The following CRMP1 variants were observed in gnomAD, a reference collection of about 807,000 sequenced individuals.
CRMP1 encodes collapsin response mediator protein 1, also known as dihydropyrimidinase-related protein 1.
CRMP1 carries 19 observed loss-of-function variants against 68.3 expected under a neutral mutation model. That is an observed-to-expected ratio of 0.28 (90% CI 0.19 to 0.41). The LOEUF is 0.41. CRMP1 is among the 10% of genes least tolerant of loss of function. The pLI, the probability that CRMP1 is intolerant of heterozygous loss-of-function variation, is 1.00. For synonymous variants in CRMP1, 439 were observed against 399.6 expected, an observed-to-expected ratio of 1.10 and a Z score of -1.18; for missense variants, 791 against 967.4, an observed-to-expected ratio of 0.82 and a Z score of 2.42.
Position 5,889,056 on chromosome 4 carries a change from G to A in CRMP1, c.381+3533C>T, listed in dbSNP as rs762857922. 1.3e-4 allele frequency among the ~76,000 whole-genome samples: 19 copies of A among 151,886 alleles called. No homozygotes were observed. The highest frequency in any genetic ancestry group is 2.9e-5 in the Non-Finnish European group (2 of 67,964). ...CCCTCTCCCTGAATAGTCTACCCCA[G>A]ACAAAAGCCTGTCCACTCCCCTAGA... On this transcript the variant is annotated intron_variant, in intron 1 of 13. Coordinates refer to ENST00000324989, the MANE Select transcript of CRMP1 (RefSeq NM_001014809.3). The surrounding 1 kb of genome is among the most constrained non-coding windows in gnomAD (Gnocchi z 4.5).
chr4:5,876,383 G>A (rs1330038855), intron 1 of CRMP1, among the ~76,000 whole-genome samples: 1 of 152,026 alleles, frequency 6.6e-6, no homozygotes, highest in African/African-American at 2.4e-5. Flanking sequence ...CGAAGAGGTG[G>A]GTGTCAACAT....
rs1268596531 is a variant in CRMP1, at chr4:5,838,609, G to A, written c.1310+913C>T. On this transcript the variant is annotated intron_variant, in intron 9 of 13. Transcript: ENST00000324989. This position sits in a 1 kb window ranked among gnomAD's most constrained non-coding sequence, Gnocchi z 4.9. ...TTAGATGGGCAAGACTGTGGGACTA[G>A]CAGCTTTATGGGGGAAGATCTGCAG... Among the ~76,000 whole-genome samples the A allele has an allele frequency of 6.6e-6, 1 of 151,906 alleles. No homozygotes were observed. Among genetic ancestry groups the A allele is most frequent in the East Asian group, 1.9e-4 (1 of 5,176 alleles).
intron 11 of CRMP1, among the ~76,000 whole-genome samples, chr4:5,835,369 C>T (rs927968676): frequency 1.3e-5 from 2 of 152,228 alleles, no homozygotes; most frequent in African/African-American, 4.8e-5. Flanking sequence ...GTGCACGCAT[C>T]TTTGGTAGGT....
intron 13 of CRMP1, chr4:5,824,695 T>C (rs1015994865): frequency 1.0e-6 from 1 of 983,982 alleles, no homozygotes; most frequent in African/African-American, 1.7e-5. Context: ...GCCTCTTAGC[T>C]TACAAAGCCT....
chr4:5,856,582 CCAT>C (rs1713078859), intron 3 of CRMP1, among the ~76,000 whole-genome samples: 1 of 151,534 alleles, frequency 6.6e-6, no homozygotes, highest in Admixed American at 6.6e-5. Context: ...ACCATCATCA[CCAT>C]CATTATCACC....
rs919087311 is a variant in CRMP1, at chr4:5,872,927, C to T, written c.382-6171G>A. Among the ~76,000 whole-genome samples the T allele has an allele frequency of 2.0e-5, 3 of 152,200 alleles. No individual in the cohort carries two copies. The highest frequency in any genetic ancestry group is 7.2e-5 in the African/African-American group (3 of 41,444). On this transcript the variant is annotated intron_variant, in intron 1 of 13. Transcript: ENST00000324989. The surrounding 1 kb of genome is among the most constrained non-coding windows in gnomAD (Gnocchi z 4.6). Reference sequence around the variant, plus strand: ...CTTCACTTATTATCCATGTGACTTACCGAGCCTCAGTTTCCTTGTCTATGA... The same window carrying T: ...CTTCACTTATTATCCATGTGACTTATCGAGCCTCAGTTTCCTTGTCTATGA...
At position 5,893,059 on chromosome 4, in the gene CRMP1, G is replaced by C. The variant is rs1465193054; in HGVS notation, c.-90C>G. On this transcript the variant is annotated 5_prime_UTR_variant, in exon 1 of 14. Coordinates refer to ENST00000324989, the MANE Select transcript of CRMP1 (RefSeq NM_001014809.3). ...TGCGCCGCGCTCCGCGCCTCGGTGC[G>C]GGCCTGCGGCGGCCCGGGCGCGACT... 6 of 900,196 alleles carry C rather than the reference G, an allele frequency of 6.7e-6. No individual in the cohort carries two copies. Among genetic ancestry groups the C allele is most frequent in the African/African-American group, 5.4e-5 (3 of 55,106 alleles). The allele number at this position is 900,196 out of a possible 1,614,324, so 55.8% of individuals were successfully genotyped here.
chr4:5,822,908 C>T (rs1251501798), intron 13 of CRMP1, among the ~76,000 whole-genome samples: 1 of 152,230 alleles, frequency 6.6e-6, no homozygotes, highest in African/African-American at 2.4e-5. Context: ...ACAGCACAAG[C>T]ACCATCCTAT....
intron 9 of CRMP1, among the ~76,000 whole-genome samples, chr4:5,837,110 G>C (rs7654446): frequency 1.3e-5 from 2 of 152,016 alleles, no homozygotes; most frequent in Non-Finnish European, 2.9e-5. Flanking sequence ...TGCTTTGCAC[G>C]TTACAAAGTG....
Position 5,888,145 on chromosome 4 carries a change from G to A in CRMP1, c.381+4444C>T. On this transcript the variant is annotated intron_variant, in intron 1 of 13. Coordinates refer to ENST00000324989, the MANE Select transcript of CRMP1 (RefSeq NM_001014809.3). The surrounding 1 kb of genome is among the most constrained non-coding windows in gnomAD (Gnocchi z 6.4). Reference sequence around the variant, plus strand: ...GGCCTCGGGGGGCGCCCCTGCCGGCGCCCCGTGGATCTGGACCCTGCCGGG... The same window carrying A: ...GGCCTCGGGGGGCGCCCCTGCCGGCACCCCGTGGATCTGGACCCTGCCGGG... The A allele has an allele frequency of 8.2e-7, 1 of 1,224,880 alleles. No individual in the cohort carries two copies. The highest frequency in any genetic ancestry group is 1.0e-6 in the Non-Finnish European group (1 of 982,184). The allele number at this position is 1,224,880 out of a possible 1,614,324, so 75.9% of individuals were successfully genotyped here.
In CRMP1 at chr4:5,892,672, C is replaced by T. The variant is rs1445589830; in HGVS notation, c.298G>A (p.Gly100Arg). 8.2e-7 allele frequency: 1 copy of T among 1,214,612 alleles called. No homozygotes were observed. The highest frequency in any genetic ancestry group is 3.5e-5 in the South Asian group (1 of 28,540). The allele number at this position is 1,214,612 out of a possible 1,614,324, so 75.2% of individuals were successfully genotyped here. ...GTCGGCGGCCGCTCGTCGCGCTCTC[C>T]GGGAGAGCTGACCGCGGAGCCCGAG... ...EPSGSAVSSP[G>R]ERDERPPTLR... The change falls in exon 1 of 14, where the codon GGA (glycine) becomes AGA (arginine). Residue 100 changes from glycine to arginine, a missense_variant. Gly to Arg is a moderately radical substitution (Grantham distance 125). Around this residue, in one of 3 missense-constraint regions of CRMP1, gnomAD observed 193 missense variants for 186.3 expected, o/e 1.04. Coordinates refer to ENST00000324989, the MANE Select transcript of CRMP1 (RefSeq NM_001014809.3). This position sits in a 1 kb window ranked among gnomAD's most constrained non-coding sequence, Gnocchi z 8.6.
intron 1 of CRMP1, chr4:5,887,839 C>A: frequency 2.0e-6 from 2 of 998,550 alleles, no homozygotes; most frequent in Non-Finnish European, 2.4e-6. Flanking sequence ...GGGGCCGAGC[C>A]AAGGAGGCTC....
chr4:5,828,621 T>C lies in CRMP1; in HGVS notation c.1671A>G (p.Pro557=). The C allele has an allele frequency of 6.2e-7, 1 of 1,614,166 alleles. No individual in the cohort carries two copies. The highest frequency in any genetic ancestry group is 2.2e-5 in the East Asian group (1 of 44,880). The part of the protein sequence containing the change: ...IFEGMECHGS[P]LVVISQGKIV... ...TCTTGCCCTGGCTGATGACCACTAG[T>C]GGGGAGCCGTGGCACTCCATACCCT... Residue 557 remains proline, a synonymous_variant, in exon 12 of 14, where the codon CCA becomes CCG. Coordinates refer to ENST00000324989, the MANE Select transcript of CRMP1 (RefSeq NM_001014809.3).
intron 1 of CRMP1, among the ~76,000 whole-genome samples, chr4:5,880,567 A>G (rs1715159041): frequency 6.6e-6 from 1 of 152,226 alleles, no homozygotes; most frequent in Admixed American, 6.5e-5. Flanking sequence ...AAGATGTGCA[A>G]TGTGACGATC....
In CRMP1 at chr4:5,843,398, T is replaced by A. The variant is rs1711937125; in HGVS notation, c.964-237A>T. Among the ~76,000 whole-genome samples, 1 of 151,740 alleles carries A rather than the reference T, an allele frequency of 6.6e-6. No individual in the cohort carries two copies. The highest frequency in any genetic ancestry group is 2.1e-4 in the South Asian group (1 of 4,782). Reference sequence around the variant, plus strand: ...CCATCTGCACCTGCTTTATATTGAATCTCCCGGGATCAATGAGAGGAAGCA... The same window carrying A: ...CCATCTGCACCTGCTTTATATTGAAACTCCCGGGATCAATGAGAGGAAGCA... On this transcript the variant is annotated intron_variant, in intron 6 of 13. Transcript: ENST00000324989. The surrounding 1 kb of genome is among the most constrained non-coding windows in gnomAD (Gnocchi z 4.1).
At chr4:5,831,326 A>AAAACT (rs1264988181) in intron 11 of CRMP1, among the ~76,000 whole-genome samples, 1 of 152,142 alleles carries the variant, frequency 6.6e-6, no homozygotes, top group Admixed American at 6.5e-5. Flanking sequence ...CTTCCATAGA[A>AAAACT]AAACTATCAA....
At chr4:5,840,332 C>A (rs926870321) in intron 8 of CRMP1, among the ~76,000 whole-genome samples, 1 of 152,204 alleles carries the variant, frequency 6.6e-6, no homozygotes, top group African/African-American at 2.4e-5. Flanking sequence ...GTCGGCCTGG[C>A]GGGCTTCTTC....
intron 5 of CRMP1, 35 bp from the exon 6 acceptor site, chr4:5,849,507 TAA>T (rs397878338): frequency 6.0e-3 from 6,864 of 1,140,088 alleles, no homozygotes; most frequent in South Asian, 6.6e-3. Flanking sequence ...GTGTGAGATT[TAA>T]AAAAAAAAAA....
intron 1 of CRMP1, among the ~76,000 whole-genome samples, chr4:5,871,354 G>C (rs766158508): frequency 6.6e-6 from 1 of 152,152 alleles, no homozygotes; most frequent in Non-Finnish European, 1.5e-5. Flanking sequence ...ACCCGGTGCC[G>C]TGAGTTTAGA....
Sources: allele counts gnomAD v4.1 joint callset (sites outside exome capture counted in the v4.1 genomes callset), GRCh38; gene constraint gnomAD v4.1.1; regional missense constraint gnomAD v4.1.1; non-coding constraint Gnocchi (gnomAD v3.1); transcripts MANE v1.5; gene names NCBI Gene and HGNC (gene_info 2026-07-23, HGNC 2026-07-21).